PCDHGA1: variants seen among roughly 807,000 people sequenced by gnomAD.
PCDHGA1 encodes the protein protocadherin gamma subfamily A, 1, also known as protocadherin gamma-A1.
A neutral mutation model predicts 58.0 loss-of-function variants in PCDHGA1; 32 were observed. The ratio of observed to expected loss-of-function variants is 0.55; its 90% CI spans 0.42 to 0.74. PCDHGA1 has a LOEUF of 0.74. Ranked by LOEUF, PCDHGA1 falls within the 30% of genes least tolerant of loss-of-function variation. The pLI is 0.00. For synonymous variants in PCDHGA1, 498 were observed against 501.1 expected (o/e 0.99, Z 0.08); for missense variants, 1,205 against 1,182.3 (o/e 1.02, Z -0.28).
chr5:141,364,444 G>T (rs763812154), intron 1 of PCDHGA1: 10 of 1,613,956 alleles, frequency 6.2e-6, no homozygotes, highest in Non-Finnish European at 8.5e-6. Context: ...TGCCGGAGGA[G>T]CTGGACAAAG....
chr5:141,403,341 C>T (rs1279947533), intron 1 of PCDHGA1: 1 of 1,613,988 alleles, frequency 6.2e-7, no homozygotes, highest in Non-Finnish European at 8.5e-7. Flanking sequence ...AACGACAGCG[C>T]CCCAAAGTTC....
intron 1 of PCDHGA1, among the ~76,000 whole-genome samples, chr5:141,492,964 C>CT (rs2099745347): frequency 6.6e-6 from 1 of 152,354 alleles, no homozygotes; most frequent in Non-Finnish European, 1.5e-5. Context: ...ATCTGACACT[C>CT]TAACAAGTCC....
intron 1 of PCDHGA1, chr5:141,409,190 C>T (rs868189970): frequency 6.2e-7 from 1 of 1,613,986 alleles, no homozygotes; most frequent in Non-Finnish European, 8.5e-7. Context: ...TCTCTCTACC[C>T]AGTGTAAAGT....
chr5:141,376,685 T>G lies in PCDHGA1; in HGVS notation c.2421+43580T>G, dbSNP rs866718563. On this transcript the variant is annotated intron_variant, in intron 1 of 3. Coordinates refer to ENST00000517417, the MANE Select transcript of PCDHGA1 (RefSeq NM_018912.3). The stretch of plus-strand genomic sequence containing the variant: ...TTCAGGTGAGGGTATCGTTTTTTTT[T>G]TTTTTTTTTTTTGAGACGGAGTCTC... The G allele has an allele frequency of 7.7e-4, 627 of 813,788 alleles. 5 individuals carry two copies. In the African/African-American group the frequency reaches 9.6e-3, roughly 12 times the overall value. 50.4% of individuals were successfully genotyped at this position (813,788 alleles called of 1,614,324 possible).
intron 1 of PCDHGA1, chr5:141,356,330 G>C: frequency 2.6e-6 from 4 of 1,554,374 alleles, no homozygotes; most frequent in Non-Finnish European, 3.5e-6. Context: ...AGTGACTCAG[G>C]AGGAAATGGC....
Position 141,491,536 on chromosome 5 carries a change from C to T in PCDHGA1, c.2422-3271C>T, listed in dbSNP as rs746800813. 1.2e-6 allele frequency: 2 copies of T among 1,614,006 alleles called. No individual in the cohort carries two copies. Among genetic ancestry groups the T allele is most frequent in the Admixed American group, 3.3e-5 (2 of 60,030 alleles). On this transcript the variant is annotated intron_variant, in intron 1 of 3. Coordinates refer to ENST00000517417, the MANE Select transcript of PCDHGA1 (RefSeq NM_018912.3). This position sits in a 1 kb window ranked among gnomAD's most constrained non-coding sequence, Gnocchi z 6.9. ...CAAGTACATGGAGGTGACGCTGCGG[C>T]CCACAGACTCGCAGAGCCACTGCTA...
chr5:141,415,389 T>A lies in PCDHGA1; in HGVS notation c.2422-79418T>A, dbSNP rs1282535508. On this transcript the variant is annotated intron_variant, in intron 1 of 3. Transcript: ENST00000517417. ...AGGCTTCAGGAGGCGGCTTGACAGG[T>A]GTGTCCGGCTCGCACTTTGTGGGCG... 9.3e-6 allele frequency: 15 copies of A among 1,614,162 alleles called. No individual in the cohort carries two copies. The East Asian group carries it at 2.5e-4, about 26-fold the overall frequency.
chr5:141,481,856 G>A (rs1402368786), intron 1 of PCDHGA1, among the ~76,000 whole-genome samples: 1 of 149,156 alleles, frequency 6.7e-6, no homozygotes, highest in Admixed American at 6.8e-5. Flanking sequence ...GGAGGTTGCA[G>A]TGAGCCGAGA....
At chr5:141,354,628 A>G (rs1014286107) in intron 1 of PCDHGA1, among the ~76,000 whole-genome samples, 4 of 152,218 alleles carry the variant, frequency 2.6e-5, no homozygotes, top group Non-Finnish European at 4.4e-5. Flanking sequence ...CTTTTCACTT[A>G]TCTGTCTCAT....
At chr5:141,368,303 C>T (rs981191656) in intron 1 of PCDHGA1, among the ~76,000 whole-genome samples, 2 of 152,066 alleles carry the variant, frequency 1.3e-5, no homozygotes, top group Non-Finnish European at 2.9e-5. Flanking sequence ...TTTTTAAACA[C>T]TGTTAAAGAG....
At chr5:141,505,154 C>T (rs1443235547) in intron 2 of PCDHGA1, among the ~76,000 whole-genome samples, 2 of 152,028 alleles carry the variant, frequency 1.3e-5, no homozygotes, top group Non-Finnish European at 2.9e-5. Flanking sequence ...AGAGTAAGAC[C>T]CTGTCTAAAA....
chr5:141,351,750 T>C (rs896637851), intron 1 of PCDHGA1: 2 of 1,613,678 alleles, frequency 1.2e-6, no homozygotes, highest in Non-Finnish European at 1.7e-6. Flanking sequence ...CCGCGGGAGC[T>C]GTTGTCCTAC....
chr5:141,430,458 A>G, intron 1 of PCDHGA1: 1 of 204,230 alleles, frequency 4.9e-6, no homozygotes, highest in Non-Finnish European at 9.7e-6. Context: ...GAAGAACAGT[A>G]GGTGGAGCTA....
At chr5:141,373,335 A>G (rs1769489383) in intron 1 of PCDHGA1, among the ~76,000 whole-genome samples, 1 of 152,236 alleles carries the variant, frequency 6.6e-6, no homozygotes, top group Admixed American at 6.5e-5. Flanking sequence ...GGCATCTAAA[A>G]TGGCAACTCT....
chr5:141,384,374 C>A, intron 1 of PCDHGA1: 1 of 1,613,920 alleles, frequency 6.2e-7, no homozygotes, highest in Non-Finnish European at 8.5e-7. Flanking sequence ...TATTCCTTGG[C>A]CGAAGACACC....
chr5:141,446,415 T>C (rs1275165245), intron 1 of PCDHGA1, among the ~76,000 whole-genome samples: 2 of 152,046 alleles, frequency 1.3e-5, no homozygotes, highest in African/African-American at 4.8e-5. Flanking sequence ...GTTCCAGCCA[T>C]GTTCATTTGA....
chr5:141,409,648 G>A, intron 1 of PCDHGA1: 2 of 1,613,692 alleles, frequency 1.2e-6, no homozygotes, highest in East Asian at 4.5e-5. Context: ...CGGATTTGGG[G>A]CTCAATGGCC....
rs370951112 is a variant in PCDHGA1 at position 141,357,333 on chromosome 5, G to A, written c.2421+24228G>A. ...TCTTCCTGGCTTTTGTCACGGTGCT[G>A]CTAGCACTCAAGCTGAGACGCTGGC... is the stretch of plus-strand genomic sequence containing the variant. On this transcript the variant is annotated intron_variant, in intron 1 of 3. Coordinates refer to ENST00000517417, the MANE Select transcript of PCDHGA1 (RefSeq NM_018912.3). 17 of 1,614,014 alleles carry A rather than the reference G, an allele frequency of 1.1e-5. No individual in the cohort carries two copies. In the African/African-American group the frequency reaches 2.3e-4, roughly 22 times the overall value.
At chr5:141,339,384 T>C (rs1756831831) in intron 1 of PCDHGA1, 3 of 1,614,238 alleles carry the variant, frequency 1.9e-6, no homozygotes, top group East Asian at 2.2e-5. Context: ...GTAGAGGAAC[T>C]GGAGCTAAAA....
Sources: allele counts gnomAD v4.1 joint callset (sites outside exome capture counted in the v4.1 genomes callset), GRCh38; gene constraint gnomAD v4.1.1; non-coding constraint Gnocchi (gnomAD v3.1); transcripts MANE v1.5; gene names NCBI Gene and HGNC (gene_info 2026-07-23, HGNC 2026-07-21).